PDE11A: variants seen among roughly 807,000 people sequenced by gnomAD.
PDE11A encodes phosphodiesterase 11A, also known as dual 3',5'-cyclic-AMP and -GMP phosphodiesterase 11A.
In PDE11A, 100 loss-of-function variants were observed where a neutral mutation model predicts 100.5. That is an observed-to-expected ratio of 1.00 (90% CI 0.85 to 1.18). The LOEUF (loss-of-function observed/expected upper bound fraction) is 1.18, where lower values mean the gene tolerates loss of function less well. Among genes scored for constraint, PDE11A ranks in the 50% most tolerant of loss-of-function variants. The pLI is 0.00. For missense variants in PDE11A, 1,141 were observed against 1,152.6 expected (o/e 0.99, Z 0.15); for synonymous variants, 381 against 420.8 (o/e 0.91, Z 1.16).
At chr2:178,046,521 T>C (rs941324988) in intron 1 of PDE11A, among the ~76,000 whole-genome samples, 18 of 152,160 alleles carry the variant, frequency 1.2e-4, no homozygotes, top group African/African-American at 4.1e-4. Context: ...TGTTCGTTTG[T>C]TTGTTTGTTT....
intron 6 of PDE11A, among the ~76,000 whole-genome samples, chr2:177,839,208 C>G (rs939539766): frequency 6.6e-6 from 1 of 152,156 alleles, no homozygotes; most frequent in Non-Finnish European, 1.5e-5. Flanking sequence ...GGAGACAGCA[C>G]AGGGCAGGAT....
chr2:177,997,582 A>C, intron 2 of PDE11A: 1 of 924,574 alleles, frequency 1.1e-6, no homozygotes, highest in East Asian at 2.4e-5. Context: ...CACCTGTTTC[A>C]CCTGGAGAGC....
chr2:177,863,991 C>A (rs141757230), intron 5 of PDE11A, among the ~76,000 whole-genome samples: 2 of 151,922 alleles, frequency 1.3e-5, no homozygotes, highest in African/African-American at 4.8e-5. Context: ...TCAAGTGGTA[C>A]ATATATATAA....
intron 19 of PDE11A, among the ~76,000 whole-genome samples, chr2:177,637,331 C>T (rs549568123): frequency 2.0e-5 from 3 of 152,282 alleles, no homozygotes; most frequent in Admixed American, 6.5e-5. Context: ...ACTAATCCTT[C>T]GCCACTCAGC....
At chr2:177,845,989 C>T (rs142963904) in intron 5 of PDE11A, among the ~76,000 whole-genome samples, 75 of 149,054 alleles carry the variant, frequency 5.0e-4, no homozygotes, top group African/African-American at 1.8e-3. Context: ...AGCTTCGGCT[C>T]GGCATGAGAG....
At chr2:177,744,784 G>C (rs2081924399) in intron 10 of PDE11A, among the ~76,000 whole-genome samples, 1 of 152,186 alleles carries the variant, frequency 6.6e-6, no homozygotes, top group Non-Finnish European at 1.5e-5. Flanking sequence ...AATAGAATGT[G>C]AGTGGGTTGA....
At chr2:177,804,026 G>A (rs951198528) in intron 9 of PDE11A, among the ~76,000 whole-genome samples, 1 of 151,830 alleles carries the variant, frequency 6.6e-6, no homozygotes, top group African/African-American at 2.4e-5. Context: ...AAAATCCTAG[G>A]GAGGACTCTT....
At chr2:177,850,003 T>A (rs560378130) in intron 5 of PDE11A, among the ~76,000 whole-genome samples, 184 of 152,194 alleles carry the variant, frequency 1.2e-3, no homozygotes, top group African/African-American at 4.2e-3. Context: ...CAAGCTACCA[T>A]TGACTTTCTT....
At chr2:177,818,794 A>C (rs997959786) in intron 7 of PDE11A, among the ~76,000 whole-genome samples, 1 of 152,006 alleles carries the variant, frequency 6.6e-6, no homozygotes, top group East Asian at 1.9e-4. Flanking sequence ...TCCCAAATAC[A>C]CAAGTTTAAC....
intron 19 of PDE11A, among the ~76,000 whole-genome samples, chr2:177,630,231 C>T (rs1033698584): frequency 6.6e-6 from 1 of 152,142 alleles, no homozygotes; most frequent in Non-Finnish European, 1.5e-5. Flanking sequence ...GACGACCAGG[C>T]TGATGAAAGT....
chr2:177,698,589 G>T (rs1340578578), intron 14 of PDE11A: 1 of 152,064 alleles, frequency 6.6e-6, no homozygotes, highest in Non-Finnish European at 1.5e-5. Flanking sequence ...AATTATTTCA[G>T]GGAACTAGGA....
At position 177,727,768 on chromosome 2, in the gene PDE11A, G is replaced by C. The variant is rs1241875187; in HGVS notation, c.1936-3C>G. 6.5e-7 allele frequency: 1 copy of C among 1,549,280 alleles called. No homozygotes were observed. The highest frequency in any genetic ancestry group is 8.9e-7 in the Non-Finnish European group (1 of 1,121,178). On this transcript the variant is annotated splice_polypyrimidine_tract_variant and splice_region_variant and intron_variant, in intron 11 of 19. Transcript: ENST00000286063. ...GTCAAAAGCCACCTACACAGTGTCT[G>C]AAATGGGAGGGAGAGGGTGCGTCAG...
intron 5 of PDE11A, among the ~76,000 whole-genome samples, chr2:177,845,479 C>T (rs901761618): frequency 4.2e-4 from 64 of 150,664 alleles, no homozygotes; most frequent in Admixed American, 6.0e-4. Context: ...TGATGGCGGC[C>T]GGGAAGAGGT....
intron 15 of PDE11A, among the ~76,000 whole-genome samples, chr2:177,686,280 T>TGA (rs1005725816): frequency 1.3e-5 from 2 of 152,156 alleles, no homozygotes; most frequent in Non-Finnish European, 2.9e-5. Flanking sequence ...AAGAAAAACA[T>TGA]GAGAGGCCAG....
chr2:177,821,307 A>G (rs1329657905), intron 6 of PDE11A, among the ~76,000 whole-genome samples: 1 of 151,730 alleles, frequency 6.6e-6, no homozygotes, highest in African/African-American at 2.4e-5. Flanking sequence ...ATTAACATGC[A>G]TGTAGAAAGG....
Position 177,895,267 on chromosome 2 carries a change from T to G in PDE11A, c.1302+2791A>C, listed in dbSNP as rs144028728. ...CAATTATCCATTTAAAAAATGCTATTCTGGGCCGGGTGCTGTGGCTCACAC... is the reference window on the plus strand; with the variant it reads ...CAATTATCCATTTAAAAAATGCTATGCTGGGCCGGGTGCTGTGGCTCACAC... On this transcript the variant is annotated intron_variant, in intron 4 of 19. Transcript: ENST00000286063. Among the ~76,000 whole-genome samples, 142 of 152,202 alleles carry G rather than the reference T, an allele frequency of 9.3e-4. 1 individual carries two copies. The highest frequency in any genetic ancestry group is 3.2e-3 in the African/African-American group (133 of 41,526).
At chr2:177,657,499 AC>A (rs932338270) in intron 19 of PDE11A, among the ~76,000 whole-genome samples, 2 of 152,186 alleles carry the variant, frequency 1.3e-5, no homozygotes, top group Non-Finnish European at 2.9e-5. Flanking sequence ...TAAGAACCAA[AC>A]CTGGCTAAGT....
At chr2:178,082,139 C>A (rs1169844896) in intron 2 of PDE11A, among the ~76,000 whole-genome samples, 1 of 152,190 alleles carries the variant, frequency 6.6e-6, no homozygotes, top group Non-Finnish European at 1.5e-5. Context: ...GTTTCTATAT[C>A]TGCAAAATGT....
chr2:177,734,528 A>G (rs780470683), intron 10 of PDE11A, among the ~76,000 whole-genome samples: 79 of 152,208 alleles, frequency 5.2e-4, no homozygotes, highest in Non-Finnish European at 7.4e-4. Context: ...TAGGATTTAA[A>G]TTCTCCTGGC....
Sources: allele counts gnomAD v4.1 joint callset (sites outside exome capture counted in the v4.1 genomes callset), GRCh38; gene constraint gnomAD v4.1.1; transcripts MANE v1.5; gene names NCBI Gene and HGNC (gene_info 2026-07-23, HGNC 2026-07-21).